Variants in AFF3 observed in about 807,000 individuals in gnomAD.
AFF3 encodes AF4/FMR2 family member 3.
Under a neutral mutation model 129.7 loss-of-function variants are expected in AFF3, and 32 were observed. The ratio of observed to expected loss-of-function variants is 0.25; its 90% CI spans 0.19 to 0.33. The LOEUF (loss-of-function observed/expected upper bound fraction) is 0.33. AFF3 is among the 10% of genes least tolerant of loss of function. The pLI, the probability that AFF3 is intolerant of heterozygous loss-of-function variation, is 1.00. For synonymous variants in AFF3, 644 were observed against 635.4 expected (o/e 1.01, Z -0.20); for missense variants, 1,373 against 1,592.0 (o/e 0.86, Z 2.34).
chr2:99,967,415 T>C (rs1326548122), intron 7 of AFF3, among the ~76,000 whole-genome samples: 3 of 152,200 alleles, frequency 2.0e-5, no homozygotes, highest in African/African-American at 7.2e-5. Flanking sequence ...GTTCCACTGT[T>C]GCATTAAATT....
chr2:99,662,552 A>G (rs1328838390), intron 12 of AFF3, among the ~76,000 whole-genome samples: 1 of 152,190 alleles, frequency 6.6e-6, no homozygotes, highest in Non-Finnish European at 1.5e-5. Flanking sequence ...CATAACGAAT[A>G]TTACTAATGT....
chr2:99,882,610 C>T (rs898045723), intron 7 of AFF3, among the ~76,000 whole-genome samples: 1 of 152,188 alleles, frequency 6.6e-6, no homozygotes, highest in Non-Finnish European at 1.5e-5. Flanking sequence ...GAAGGTCTGG[C>T]TGATGAAAGA....
chr2:99,714,032 G>A lies in AFF3; in HGVS notation c.1091+13045C>T, dbSNP rs113666124. Among the ~76,000 whole-genome samples, 353 of 152,178 alleles carry A rather than the reference G, an allele frequency of 2.3e-3. 4 individuals carry two copies. The highest frequency in any genetic ancestry group is 7.9e-3 in the African/African-American group (329 of 41,512). On this transcript the variant is annotated intron_variant, in intron 11 of 24. Transcript: ENST00000672756. ...CCTAATTTTATAAACTCTCTTTTAC[G>A]ACCTCTGGGAACCCGGACCTTCCAA...
intron 14 of AFF3, among the ~76,000 whole-genome samples, chr2:99,597,533 G>A (rs1275068171): frequency 1.3e-5 from 2 of 152,212 alleles, no homozygotes; most frequent in African/African-American, 4.8e-5. Flanking sequence ...CTCCTAATAA[G>A]AACAACTCAC....
At chr2:99,840,821 G>T (rs1689264085) in intron 7 of AFF3, among the ~76,000 whole-genome samples, 1 of 152,164 alleles carries the variant, frequency 6.6e-6, no homozygotes, top group African/African-American at 2.4e-5. Flanking sequence ...CGGGCCGGGG[G>T]GCTTGATGGT....
At chr2:99,800,276 C>G (rs920471750) in intron 8 of AFF3, among the ~76,000 whole-genome samples, 1 of 152,154 alleles carries the variant, frequency 6.6e-6, no homozygotes, top group African/African-American at 2.4e-5. Flanking sequence ...TTGAACACAT[C>G]ACCACAGAAG....
chr2:100,117,217 T>C (rs1017687561), intron 2 of AFF3, among the ~76,000 whole-genome samples: 7 of 152,190 alleles, frequency 4.6e-5, no homozygotes, highest in African/African-American at 1.7e-4. Context: ...TAATTATTTA[T>C]TTTGGCCCAT....
intron 7 of AFF3, among the ~76,000 whole-genome samples, chr2:99,901,071 T>TATGC (rs1229009854): frequency 1.3e-5 from 2 of 152,252 alleles, no homozygotes; most frequent in Middle Eastern, 6.3e-3. Flanking sequence ...CATGCCTGCA[T>TATGC]ATGCATGTGT....
intron 4 of AFF3, among the ~76,000 whole-genome samples, chr2:100,075,801 G>A (rs1439056194): frequency 1.3e-5 from 2 of 152,122 alleles, no homozygotes; most frequent in Non-Finnish European, 2.9e-5. Context: ...TCAGTTGTTT[G>A]CACTGCTTGT....
intron 7 of AFF3, among the ~76,000 whole-genome samples, chr2:99,853,229 A>C (rs1690278160): frequency 6.6e-6 from 1 of 152,236 alleles, no homozygotes. Flanking sequence ...CAGCAGGTTA[A>C]AAAAATAATC....
chr2:99,984,416 A>AAAC lies in AFF3; in HGVS notation c.873+22213_873+22215dup, dbSNP rs553466961. On this transcript the variant is annotated intron_variant, in intron 7 of 24. Transcript: ENST00000672756. ...GAAGTCCTTACTTTAGTATGCTAGGAAACATATTGAGAGGAAATAAATATA... is the reference window on the plus strand; with the variant it reads ...GAAGTCCTTACTTTAGTATGCTAGGAAACAACATATTGAGAGGAAATAAATATA... Among the ~76,000 whole-genome samples the AAAC allele has an allele frequency of 1.4e-3, 218 of 152,316 alleles. 2 individuals carry two copies. The highest frequency in any genetic ancestry group is 5.1e-3 in the African/African-American group (210 of 41,566).
At chr2:99,942,115 G>A (rs1250899839) in intron 7 of AFF3, among the ~76,000 whole-genome samples, 1 of 152,154 alleles carries the variant, frequency 6.6e-6, no homozygotes, top group Non-Finnish European at 1.5e-5. Flanking sequence ...GAATCGTTCA[G>A]CACTTACTGA....
intron 13 of AFF3, among the ~76,000 whole-genome samples, chr2:99,644,184 TAC>T (rs1391923331): frequency 6.6e-6 from 1 of 152,360 alleles, no homozygotes; most frequent in East Asian, 1.9e-4. Flanking sequence ...GCAGACAGGT[TAC>T]AGTCTGGTGA....
At chr2:99,887,378 A>G (rs1464575465) in intron 7 of AFF3, among the ~76,000 whole-genome samples, 1 of 152,248 alleles carries the variant, frequency 6.6e-6, no homozygotes, top group Non-Finnish European at 1.5e-5. Context: ...AAGAAAGACA[A>G]TAAATTCTAA....
intron 11 of AFF3, among the ~76,000 whole-genome samples, chr2:99,686,176 C>A (rs553065791): frequency 6.6e-5 from 10 of 151,976 alleles, no homozygotes; most frequent in Admixed American, 2.6e-4. Context: ...GGCGACACAG[C>A]GAGACTCCAT....
At chr2:99,584,518 A>G (rs1192679143) in intron 16 of AFF3, among the ~76,000 whole-genome samples, 1 of 152,118 alleles carries the variant, frequency 6.6e-6, no homozygotes, top group Non-Finnish European at 1.5e-5. Context: ...TGGTGAGTAG[A>G]AGTTACAGTT....
At chr2:99,947,525 A>G (rs952764135) in intron 7 of AFF3, among the ~76,000 whole-genome samples, 14 of 111,062 alleles carry the variant, frequency 1.3e-4, no homozygotes, top group African/African-American at 6.2e-4. Flanking sequence ...GAGAGAGAGA[A>G]AGAAAGAAAG....
In AFF3 at chr2:100,080,974, C is replaced by T. The variant is rs145229439; in HGVS notation, c.53+23428G>A. ...TCAAGGAAAAGCAAGGTTCAGAAACCAGCAATGCAGCCTGAACCACAGGCA... is the reference window on the plus strand; with the variant it reads ...TCAAGGAAAAGCAAGGTTCAGAAACTAGCAATGCAGCCTGAACCACAGGCA... On this transcript the variant is annotated intron_variant, in intron 4 of 24. Transcript: ENST00000672756. 2.5e-3 allele frequency among the ~76,000 whole-genome samples: 384 copies of T among 152,198 alleles called. 1 individual carries two copies. The highest frequency in any genetic ancestry group is 4.4e-3 in the Non-Finnish European group (301 of 68,016).
intron 12 of AFF3, among the ~76,000 whole-genome samples, chr2:99,660,713 G>A (rs145138631): frequency 1.3e-5 from 2 of 152,310 alleles, no homozygotes; most frequent in African/African-American, 2.4e-5. Flanking sequence ...GAATCCTTGC[G>A]TGCAGGGTTT....
Sources: allele counts gnomAD v4.1 joint callset (sites outside exome capture counted in the v4.1 genomes callset), GRCh38; gene constraint gnomAD v4.1.1; transcripts MANE v1.5; gene names NCBI Gene and HGNC (gene_info 2026-07-23, HGNC 2026-07-21).